TSPAN15: variants seen among roughly 807,000 people sequenced by gnomAD.
TSPAN15 encodes the protein tetraspanin-15.
Under a neutral mutation model 34.5 loss-of-function variants are expected in TSPAN15, and 20 were observed. That is an observed-to-expected ratio of 0.58 (90% CI 0.41 to 0.84). The LOEUF (loss-of-function observed/expected upper bound fraction) is 0.84, where lower values mean the gene tolerates loss of function less well. Ranked by LOEUF, TSPAN15 falls within the 40% of genes least tolerant of loss-of-function variation. The pLI, the probability that TSPAN15 is intolerant of heterozygous loss-of-function variation, is 0.00. For missense variants in TSPAN15, 313 were observed against 386.1 expected (o/e 0.81, Z 1.59); for synonymous variants, 155 against 153.9 (o/e 1.01, Z -0.05).
intron 1 of TSPAN15, among the ~76,000 whole-genome samples, chr10:69,461,161 A>G (rs974721045): frequency 2.0e-5 from 3 of 152,128 alleles, no homozygotes; most frequent in African/African-American, 7.2e-5. Flanking sequence ...GCATTCTCAG[A>G]ATGACCCCAT....
intron 6 of TSPAN15, chr10:69,505,821 A>T (rs902974035): frequency 4.4e-5 from 12 of 275,620 alleles, no homozygotes; most frequent in Non-Finnish European, 6.8e-5. Context: ...ACATCTGAGA[A>T]GCACACAGGC....
At chr10:69,455,096 A>G (rs1247440325) in intron 1 of TSPAN15, among the ~76,000 whole-genome samples, 1 of 135,932 alleles carries the variant, frequency 7.4e-6, no homozygotes, top group Non-Finnish European at 1.5e-5. Context: ...CGGGAAGCGG[A>G]GGTTGCAGTG....
intron 1 of TSPAN15, among the ~76,000 whole-genome samples, chr10:69,453,132 T>C (rs1841010453): frequency 6.6e-6 from 1 of 150,606 alleles, no homozygotes; most frequent in African/African-American, 2.4e-5. Context: ...GGAGGAGAGA[T>C]GAACAGTATG....
Position 69,473,379 on chromosome 10 carries a change from G to A in TSPAN15, c.97-10312G>A, listed in dbSNP as rs148422491. Among the ~76,000 whole-genome samples, 1,019 of 152,330 alleles carry A rather than the reference G, an allele frequency of 6.7e-3. 9 individuals carry two copies. The highest frequency in any genetic ancestry group is 0.021 in the Middle Eastern group (6 of 292). On this transcript the variant is annotated intron_variant, in intron 1 of 7. Transcript: ENST00000373290. ...TGCTATGGGAGGCAGTGCTGGAGGT[G>A]TGTGCCTTCATCAAGGCTGGGGAGG...
chr10:69,549,475 A>G, the TSPAN15 span, among the ~76,000 whole-genome samples: 6 of 152,174 alleles, frequency 3.9e-5, no homozygotes, highest in Non-Finnish European at 7.3e-5. Flanking sequence ...GGCTTCTGTT[A>G]ATAAGTCCCT....
chr10:69,465,224 G>A (rs1841358414), intron 1 of TSPAN15, among the ~76,000 whole-genome samples: 1 of 115,276 alleles, frequency 8.7e-6, no homozygotes, highest in Non-Finnish European at 2.2e-5. Flanking sequence ...GCTTCCCCTG[G>A]GGGTGGCAGT....
At chr10:69,473,148 G>C (rs1841540479) in intron 1 of TSPAN15, among the ~76,000 whole-genome samples, 1 of 152,158 alleles carries the variant, frequency 6.6e-6, no homozygotes, top group Admixed American at 6.5e-5. Flanking sequence ...GACTTCCCAG[G>C]GGAGGAGGGC....
chr10:69,508,866 C>G (rs1205379461), downstream of TSPAN15, among the ~76,000 whole-genome samples: 1 of 152,222 alleles, frequency 6.6e-6, no homozygotes, highest in Non-Finnish European at 1.5e-5. Context: ...CTGTTGCCTC[C>G]TGTGCACACA....
chr10:69,465,367 C>T (rs890581269), intron 1 of TSPAN15, among the ~76,000 whole-genome samples: 4 of 152,238 alleles, frequency 2.6e-5, no homozygotes, highest in Middle Eastern at 3.2e-3. Flanking sequence ...TTCATTTCTA[C>T]AGTATTTTCC....
intron 1 of TSPAN15, among the ~76,000 whole-genome samples, chr10:69,468,976 C>T (rs187117738): frequency 1.5e-5 from 2 of 133,320 alleles, no homozygotes; most frequent in South Asian, 2.5e-4. Flanking sequence ...TACGCTGATG[C>T]GATGACTTAG....
intron 5 of TSPAN15, among the ~76,000 whole-genome samples, chr10:69,502,888 T>C (rs950767917): frequency 8.5e-5 from 13 of 152,258 alleles, no homozygotes; most frequent in South Asian, 2.1e-4. Flanking sequence ...CTATTTGTTA[T>C]GTTCATTATC....
chr10:69,512,898 T>A, the TSPAN15 span, among the ~76,000 whole-genome samples: 2 of 152,266 alleles, frequency 1.3e-5, no homozygotes, highest in Non-Finnish European at 2.9e-5. Flanking sequence ...TATGAATACT[T>A]GTGCATGTGT....
At chr10:69,543,188 A>G in the TSPAN15 span, among the ~76,000 whole-genome samples, 181 of 152,252 alleles carry the variant, frequency 1.2e-3, no homozygotes, top group Middle Eastern at 3.4e-3. Context: ...CTGTGGTTCA[A>G]GCTAAGTATG....
intron 5 of TSPAN15, among the ~76,000 whole-genome samples, chr10:69,501,214 C>T (rs1048245410): frequency 6.6e-6 from 1 of 152,056 alleles, no homozygotes; most frequent in Admixed American, 6.6e-5. Context: ...GTCAAAGATG[C>T]GGTTGGATAT....
At chr10:69,519,334 C>A in the TSPAN15 span, among the ~76,000 whole-genome samples, 1,862 of 152,210 alleles carry the variant, frequency 0.012, 35 homozygotes, top group African/African-American at 0.042. Flanking sequence ...GTGGGAGGAT[C>A]TTCTGAGCCC....
intron 4 of TSPAN15, among the ~76,000 whole-genome samples, chr10:69,496,471 C>T (rs1266760294): frequency 6.6e-6 from 1 of 152,052 alleles, no homozygotes; most frequent in Non-Finnish European, 1.5e-5. Context: ...GGAATAATGA[C>T]AGGAGCTCTT....
At chr10:69,477,033 C>T (rs1408475641) in intron 1 of TSPAN15, among the ~76,000 whole-genome samples, 6 of 152,126 alleles carry the variant, frequency 3.9e-5, no homozygotes, top group African/African-American at 9.7e-5. Context: ...AGCAGGAACC[C>T]AGCTGCCCTG....
the TSPAN15 span, chr10:69,523,316 C>T: frequency 2.1e-6 from 1 of 483,990 alleles, no homozygotes; most frequent in Non-Finnish European, 3.7e-6. Context: ...ACTCAAAGAG[C>T]CAAAGAAAGC....
intron 1 of TSPAN15, among the ~76,000 whole-genome samples, chr10:69,454,945 G>A (rs1841051798): frequency 1.3e-5 from 2 of 152,010 alleles, no homozygotes; most frequent in Non-Finnish European, 2.9e-5. Flanking sequence ...CGGGCGGATC[G>A]TGAGGTTAAG....
Sources: allele counts gnomAD v4.1 joint callset (sites outside exome capture counted in the v4.1 genomes callset), GRCh38; gene constraint gnomAD v4.1.1; transcripts MANE v1.5; gene names NCBI Gene and HGNC (gene_info 2026-07-23, HGNC 2026-07-21).